Variants in SH3BGRL observed in about 807,000 individuals in gnomAD.
The protein encoded by SH3BGRL is SH3 domain binding glutamate rich protein like, also known as adapter SH3BGRL.
Under a neutral mutation model 9.8 loss-of-function variants are expected in SH3BGRL, and 7 were observed. The observed-to-expected ratio is 0.72, with a 90% CI of 0.41 to 1.35. The LOEUF (loss-of-function observed/expected upper bound fraction) is 1.35, where lower values mean the gene tolerates loss of function less well. Among genes scored for constraint, SH3BGRL ranks in the 40% most tolerant of loss-of-function variants. The probability of loss-of-function intolerance (pLI) is 0.01; values close to 1 mark genes in which losing one functional copy is unlikely to be tolerated. For synonymous variants in SH3BGRL, 36 were observed against 29.1 expected (o/e 1.24, Z -0.76); for missense variants, 73 against 84.4 (o/e 0.86, Z 0.53).
intron 3 of SH3BGRL, among the ~76,000 whole-genome samples, chrX:81,296,356 C>T (rs1028754336): frequency 9.0e-5 from 10 of 111,633 alleles, no homozygotes; most frequent in African/African-American, 2.6e-4. Flanking sequence ...TAGTATATTT[C>T]GTTATTTTTT....
chrX:81,231,431 G>A (rs1333492972), intron 1 of SH3BGRL, among the ~76,000 whole-genome samples: 1 of 112,366 alleles, frequency 8.9e-6, no homozygotes, highest in Non-Finnish European at 1.9e-5. Context: ...CTTTGAGGGT[G>A]TCATTATTCA....
chrX:81,208,306 C>G (rs1409687522), intron 1 of SH3BGRL, among the ~76,000 whole-genome samples: 1 of 111,231 alleles, frequency 9.0e-6, no homozygotes, highest in African/African-American at 3.3e-5. Flanking sequence ...ATAAAATGGA[C>G]TTATTTCTAG....
intron 3 of SH3BGRL, among the ~76,000 whole-genome samples, chrX:81,279,357 A>T (rs1267323022): frequency 9.0e-6 from 1 of 111,429 alleles, no homozygotes; most frequent in Non-Finnish European, 1.9e-5. Context: ...AGCATCTGCA[A>T]TCCAGACAGA....
chrX:81,255,013 C>A lies in SH3BGRL; in HGVS notation c.46-21971C>A, dbSNP rs897651515. ...CAAGCGATTCTCCTGCCTCAGCCTC[C>A]CCAGTAGCTGGGACTACAGACGTGC... On this transcript the variant is annotated intron_variant, in intron 1 of 3. Coordinates refer to ENST00000373212, the MANE Select transcript of SH3BGRL (RefSeq NM_003022.3). Among the ~76,000 whole-genome samples the A allele has an allele frequency of 2.7e-5, 3 of 109,597 alleles. No homozygotes were observed. In the East Asian group the frequency reaches 8.6e-4, roughly 31 times the overall value.
intron 1 of SH3BGRL, among the ~76,000 whole-genome samples, chrX:81,204,809 G>A (rs2075541129): frequency 1.8e-5 from 2 of 112,170 alleles, no homozygotes; most frequent in Non-Finnish European, 3.8e-5. Context: ...GCAACAGAGC[G>A]AGACTTTCTC....
intron 3 of SH3BGRL, among the ~76,000 whole-genome samples, chrX:81,283,780 A>G (rs2075825470): frequency 9.0e-6 from 1 of 111,262 alleles, no homozygotes; most frequent in African/African-American, 3.3e-5. Context: ...GCCCACTGTC[A>G]CCACTACTCT....
chrX:81,267,095 G>A lies in SH3BGRL; in HGVS notation c.46-9889G>A, dbSNP rs996260487. On this transcript the variant is annotated intron_variant, in intron 1 of 3. Coordinates refer to ENST00000373212, the MANE Select transcript of SH3BGRL (RefSeq NM_003022.3). ...TTGCTGAAGTTGCTTATCAGCTTAA[G>A]GAGATTTTGGGCTGAGACGATGGGG... Among the ~76,000 whole-genome samples the A allele has an allele frequency of 1.6e-3, 176 of 112,151 alleles. 6 individuals carry two copies. In the Middle Eastern group the frequency reaches 0.018, roughly 12 times the overall value.
chrX:81,291,097 A>G (rs760918015), intron 3 of SH3BGRL, among the ~76,000 whole-genome samples: 1 of 112,152 alleles, frequency 8.9e-6, no homozygotes, highest in African/African-American at 3.2e-5. Context: ...TGACTTTAAC[A>G]TATTCATTTT....
At chrX:81,256,740 ACTTTATCATCC>A (rs2147698112) in intron 1 of SH3BGRL, among the ~76,000 whole-genome samples, 1 of 112,250 alleles carries the variant, frequency 8.9e-6, no homozygotes, top group African/African-American at 3.2e-5. Flanking sequence ...TTCTTTAAAC[ACTTTATCATCC>A]CTATTTGTTG....
At chrX:81,255,520 T>A (rs1310350342) in intron 1 of SH3BGRL, 4 of 111,760 alleles carry the variant, frequency 3.6e-5, no homozygotes, top group Non-Finnish European at 7.5e-5. Context: ...AGAATAATAA[T>A]TATTAAGGAT....
intron 3 of SH3BGRL, among the ~76,000 whole-genome samples, chrX:81,279,801 T>C (rs1398889796): frequency 9.0e-6 from 1 of 110,920 alleles, no homozygotes; most frequent in Admixed American, 9.5e-5. Flanking sequence ...AGCCAAATTT[T>C]GTAACAATTC....
At chrX:81,262,914 TG>T (rs2075745453) in intron 1 of SH3BGRL, among the ~76,000 whole-genome samples, 1 of 111,816 alleles carries the variant, frequency 8.9e-6, no homozygotes, top group Non-Finnish European at 1.9e-5. Context: ...GAGCACTATA[TG>T]GGGAGACAAA....
intron 3 of SH3BGRL, among the ~76,000 whole-genome samples, chrX:81,289,199 G>T (rs754535838): frequency 8.0e-5 from 9 of 112,069 alleles, no homozygotes; most frequent in Non-Finnish European, 1.7e-4. Flanking sequence ...TCAATAGATG[G>T]TGCTGGGAAA....
At chrX:81,221,557 A>G (rs1360679041) in intron 1 of SH3BGRL, among the ~76,000 whole-genome samples, 2 of 111,660 alleles carry the variant, frequency 1.8e-5, no homozygotes, top group Non-Finnish European at 3.8e-5. Context: ...TTTCCCCAGT[A>G]TATTTGTAAC....
intron 1 of SH3BGRL, among the ~76,000 whole-genome samples, chrX:81,257,209 T>C (rs1400975970): frequency 9.0e-6 from 1 of 111,679 alleles, no homozygotes; most frequent in Non-Finnish European, 1.9e-5. Flanking sequence ...TATAATTTTC[T>C]GTGCAACGAT....
chrX:81,275,780 G>A (rs762053369), intron 1 of SH3BGRL, among the ~76,000 whole-genome samples: 1 of 111,997 alleles, frequency 8.9e-6, no homozygotes, highest in Non-Finnish European at 1.9e-5. Flanking sequence ...AAAACTTTCC[G>A]TTTCTTTTGG....
rs916086877 is a variant in SH3BGRL at position 81,298,183 on chromosome X, G to C, written c.*956G>C. On this transcript the variant is annotated 3_prime_UTR_variant, in exon 4 of 4. Transcript: ENST00000373212. ...TAAGATATCTTACCTTTTTATTTCA[G>C]TTTAGCCATGTATTGTATGAGTGTA... is the stretch of plus-strand genomic sequence containing the variant. 9.0e-6 allele frequency: 1 copy of C among 111,405 alleles called. No homozygotes were observed. The highest frequency in any genetic ancestry group is 1.9e-5 in the Non-Finnish European group (1 of 52,807). 9.2% of individuals were successfully genotyped at this position (111,405 alleles called of 1,213,427 possible). A position where few individuals can be genotyped will look rare whatever the true frequency, so the allele number is the denominator to read the frequency against.
At chrX:81,283,570 C>T (rs2075824790) in intron 3 of SH3BGRL, among the ~76,000 whole-genome samples, 1 of 111,822 alleles carries the variant, frequency 8.9e-6, no homozygotes, top group South Asian at 3.7e-4. Flanking sequence ...ACAAAAGTTA[C>T]ATAATCAGCT....
chrX:81,253,265 A>T (rs2075716258), intron 1 of SH3BGRL, among the ~76,000 whole-genome samples: 1 of 112,618 alleles, frequency 8.9e-6, no homozygotes, highest in Non-Finnish European at 1.9e-5. Flanking sequence ...ACTTAACAAG[A>T]GAGTGATGAA....
Sources: allele counts gnomAD v4.1 joint callset (sites outside exome capture counted in the v4.1 genomes callset), GRCh38; gene constraint gnomAD v4.1.1; transcripts MANE v1.5; gene names NCBI Gene and HGNC (gene_info 2026-07-23, HGNC 2026-07-21).